Variants in ERFL observed in about 807,000 individuals in gnomAD.
The protein encoded by ERFL is ETS repressor factor like, also known as ETS domain-containing transcription factor ERF-like.
In ERFL, 8 loss-of-function variants were observed where a neutral mutation model predicts 27.9. That is an observed-to-expected ratio of 0.29 (90% CI 0.17 to 0.52). The LOEUF (loss-of-function observed/expected upper bound fraction) is 0.52, where lower values mean the gene tolerates loss of function less well. Ranked by LOEUF, ERFL falls within the 20% of genes least tolerant of loss-of-function variation. The pLI is 0.97. For synonymous variants in ERFL, 174 were observed against 202.8 expected, an observed-to-expected ratio of 0.86 and a Z score of 1.21; for missense variants, 294 against 444.4, an observed-to-expected ratio of 0.66 and a Z score of 3.04.
rs2074761946 is a variant in ERFL at position 41,912,871 on chromosome 19, G to A, written c.49C>T (p.Pro17Ser). 3 of 1,230,608 alleles carry A rather than the reference G, an allele frequency of 2.4e-6. No homozygotes were observed. Among genetic ancestry groups the A allele is most frequent in the South Asian group, 4.1e-5 (1 of 24,314 alleles). The allele number at this position is 1,230,608 out of a possible 1,614,324, so 76.2% of individuals were successfully genotyped here. A position where few individuals can be genotyped will look rare whatever the true frequency, so the allele number is the denominator to read the frequency against. ...CAGTTACCGGGGGTCCAGAGAGCCG[G>A]CAGGGCGGGCGGGGCGAAGAGAAGG... ...SDLLFAPPALPALWTPGFAFP... is the reference protein window; with the variant it reads ...SDLLFAPPALSALWTPGFAFP... Residue 17 changes from proline (P) to serine (S), a missense_variant, in exon 2 of 6, where the codon CCG becomes TCG. By Grantham distance (74) the Pro-to-Ser change is moderately conservative. Coordinates refer to ENST00000597630, the MANE Select transcript of ERFL (RefSeq NM_001365103.2).
Position 41,921,510 on chromosome 19 carries a change from G to C in ERFL, c.-14+6530C>G, listed in dbSNP as rs533897902. ...GAGAGAAGAGAGAGACAGAGACAGA[G>C]AGACAGGCAGGGGGAGATCCGAGGT... On this transcript the variant is annotated intron_variant, in intron 1 of 5. Transcript: ENST00000597630. The surrounding 1 kb of genome is among the most constrained non-coding windows in gnomAD (Gnocchi z 4.4). Among the ~76,000 whole-genome samples, 2 of 152,176 alleles carry C rather than the reference G, an allele frequency of 1.3e-5. No homozygotes were observed. Among genetic ancestry groups the C allele is most frequent in the East Asian group, 1.9e-4 (1 of 5,178 alleles).
At chr19:41,913,408 C>T (rs2074766359) in intron 1 of ERFL, among the ~76,000 whole-genome samples, 1 of 151,956 alleles carries the variant, frequency 6.6e-6, no homozygotes, top group Non-Finnish European at 1.5e-5. Flanking sequence ...CCAGATTTAT[C>T]TTGTTCTATA....
Position 41,921,085 on chromosome 19 carries a change from C to T in ERFL, c.-14+6955G>A, listed in dbSNP as rs1373029054. On this transcript the variant is annotated intron_variant, in intron 1 of 5. Coordinates refer to ENST00000597630, the MANE Select transcript of ERFL (RefSeq NM_001365103.2). This position sits in a 1 kb window ranked among gnomAD's most constrained non-coding sequence, Gnocchi z 4.4. Reference sequence around the variant, plus strand: ...GGAGCGTCCCCGGGGAGGTGGGAGCCGCAGTGCCACGCACCCCGCCTACCA... The same window carrying T: ...GGAGCGTCCCCGGGGAGGTGGGAGCTGCAGTGCCACGCACCCCGCCTACCA... Among the ~76,000 whole-genome samples, 1 of 152,124 alleles carries T rather than the reference C, an allele frequency of 6.6e-6. No homozygotes were observed. Among genetic ancestry groups the T allele is most frequent in the African/African-American group, 2.4e-5 (1 of 41,410 alleles).
rs2074745424 is a variant in ERFL at position 41,910,452 on chromosome 19, C to T, written c.68-355G>A. ...GCACCCGCCTCCAACAGCGTTAGTCCTCTCACTGCCCCCAGCCAGCCCTAG... is the reference window on the plus strand; with the variant it reads ...GCACCCGCCTCCAACAGCGTTAGTCTTCTCACTGCCCCCAGCCAGCCCTAG... On this transcript the variant is annotated intron_variant, in intron 2 of 5. Transcript: ENST00000597630. This position sits in a 1 kb window ranked among gnomAD's most constrained non-coding sequence, Gnocchi z 4.4. 6.6e-6 allele frequency among the ~76,000 whole-genome samples: 1 copy of T among 152,086 alleles called. No individual in the cohort carries two copies. The highest frequency in any genetic ancestry group is 1.5e-5 in the Non-Finnish European group (1 of 67,994).
In ERFL at chr19:41,908,405, G is replaced by A; in HGVS notation, c.888C>T (p.Ala296=). The stretch of plus-strand genomic sequence containing the variant: ...CAGCCCCTGGCAGCGCCAGGCGAGG[G>A]GCCGCTGCCAGGCCCGAGGGGCGCT... The part of the protein sequence containing the change: ...GPERPSGLAA[A]PRLALPGAGG... Residue 296 remains alanine (A), a synonymous_variant, in exon 6 of 6, where the codon GCC becomes GCT. Transcript: ENST00000597630. The surrounding 1 kb of genome is among the most constrained non-coding windows in gnomAD (Gnocchi z 6.7). 5.7e-6 allele frequency: 7 copies of A among 1,231,228 alleles called. No homozygotes were observed. The highest frequency in any genetic ancestry group is 7.1e-6 in the Non-Finnish European group (7 of 987,620). 76.3% of individuals were successfully genotyped at this position (1,231,228 alleles called of 1,614,324 possible).
In ERFL at chr19:41,916,322, CA is replaced by C. The variant is rs1568833419; in HGVS notation, c.-13-3391del. Among the ~76,000 whole-genome samples, 2 of 152,052 alleles carry C rather than the reference CA, an allele frequency of 1.3e-5. No homozygotes were observed. The highest frequency in any genetic ancestry group is 2.9e-5 in the Non-Finnish European group (2 of 68,000). On this transcript the variant is annotated intron_variant, in intron 1 of 5. Coordinates refer to ENST00000597630, the MANE Select transcript of ERFL (RefSeq NM_001365103.2). The surrounding 1 kb of genome is among the most constrained non-coding windows in gnomAD (Gnocchi z 5.4). ...ACCACGTCCCACACAACACATCACA[CA>C]CACCAACAAAGCAACGCATACCACT...
chr19:41,914,290 C>G (rs2074773058), intron 1 of ERFL, among the ~76,000 whole-genome samples: 1 of 151,174 alleles, frequency 6.6e-6, no homozygotes, highest in Non-Finnish European at 1.5e-5. Flanking sequence ...CTCTGTCTCT[C>G]CGGTCACTTG....
intron 2 of ERFL, among the ~76,000 whole-genome samples, chr19:41,912,595 C>T (rs2074759572): frequency 6.6e-6 from 1 of 152,204 alleles, no homozygotes; most frequent in African/African-American, 2.4e-5. Flanking sequence ...GCCCCTCCGT[C>T]CTCACCCCTC....
At chr19:41,912,064 C>T (rs2074755606) in intron 2 of ERFL, among the ~76,000 whole-genome samples, 1 of 152,094 alleles carries the variant, frequency 6.6e-6, no homozygotes, top group Non-Finnish European at 1.5e-5. Context: ...GGCTCCTCAC[C>T]CCACTCAGGC....
intron 1 of ERFL, among the ~76,000 whole-genome samples, chr19:41,927,461 C>A (rs1191394855): frequency 1.3e-5 from 2 of 152,050 alleles, no homozygotes; most frequent in Non-Finnish European, 2.9e-5. Context: ...ACTTCTGGCC[C>A]CCTCAAGTCC....
chr19:41,924,878 G>T (rs1454319272), intron 1 of ERFL, among the ~76,000 whole-genome samples: 1 of 152,140 alleles, frequency 6.6e-6, no homozygotes, highest in African/African-American at 2.4e-5. Context: ...AGATCTGAAG[G>T]TTTCTTCCTA....
In ERFL at chr19:41,909,728, C is replaced by T. The variant is rs935895775; in HGVS notation, c.302+135G>A. ...TCGCCTCCCTTCCACTCACAAGTAGCGATGGTGGCTACTCACGCACAGCCC... is the reference window on the plus strand; with the variant it reads ...TCGCCTCCCTTCCACTCACAAGTAGTGATGGTGGCTACTCACGCACAGCCC... On this transcript the variant is annotated intron_variant, in intron 3 of 5. Transcript: ENST00000597630. This position sits in a 1 kb window ranked among gnomAD's most constrained non-coding sequence, Gnocchi z 5.2. 2.6e-5 allele frequency: 27 copies of T among 1,044,496 alleles called. No homozygotes were observed. The highest frequency in any genetic ancestry group is 6.8e-5 in the South Asian group (4 of 59,254). 64.7% of individuals were successfully genotyped at this position (1,044,496 alleles called of 1,614,324 possible).
rs2074727143 is a variant in ERFL, at chr19:41,907,947, A to G, written c.*281T>C. The G allele has an allele frequency of 2.8e-6, 1 of 358,070 alleles. No homozygotes were observed. The highest frequency in any genetic ancestry group is 5.0e-6 in the Non-Finnish European group (1 of 200,754). The allele number at this position is 358,070 out of a possible 1,614,324, so 22.2% of individuals were successfully genotyped here. ...TAGCACAGGGGTGGGCGGGCGGGGC[A>G]GGCTGGGCGCCATATTGCACTTTGG... On this transcript the variant is annotated 3_prime_UTR_variant, in exon 6 of 6. Transcript: ENST00000597630.
chr19:41,916,046 G>T lies in ERFL; in HGVS notation c.-13-3114C>A. ...CCTTCGCCCCCCATCTCTACCGCCC[G>T]CAGCCATGGCACCGAATGTGTGTGC... On this transcript the variant is annotated intron_variant, in intron 1 of 5. Transcript: ENST00000597630. This position sits in a 1 kb window ranked among gnomAD's most constrained non-coding sequence, Gnocchi z 5.4. Among the ~76,000 whole-genome samples, 1 of 131,676 alleles carries T rather than the reference G, an allele frequency of 7.6e-6. No individual in the cohort carries two copies. Among genetic ancestry groups the T allele is most frequent in the South Asian group, 2.5e-4 (1 of 3,994 alleles). The allele number at this position is 131,676 out of a possible 152,430, so 86.4% of individuals were successfully genotyped here.
chr19:41,920,302 C>T, intron 1 of ERFL, among the ~76,000 whole-genome samples: 1 of 147,420 alleles, frequency 6.8e-6, no homozygotes. Context: ...GACATGCGCT[C>T]ACAGACATGA....
At chr19:41,920,178 ACGCTCACAGACATG>A (rs1259564940) in intron 1 of ERFL, among the ~76,000 whole-genome samples, 11 of 124,440 alleles carry the variant, frequency 8.8e-5, no homozygotes, top group East Asian at 2.3e-4. Context: ...CAGACATGAC[ACGCTCACAGACATG>A]CGCTCACAGA....
chr19:41,918,104 C>T (rs1260505709), intron 1 of ERFL, among the ~76,000 whole-genome samples: 7 of 151,924 alleles, frequency 4.6e-5, no homozygotes, highest in East Asian at 1.9e-4. Flanking sequence ...CCATCCCGGA[C>T]GCCACCCCCA....
Position 41,908,177 on chromosome 19 carries a change from G to A in ERFL, c.*51C>T, listed in dbSNP as rs1555850858. 11 of 1,218,254 alleles carry A rather than the reference G, an allele frequency of 9.0e-6. No individual in the cohort carries two copies. The highest frequency in any genetic ancestry group is 3.1e-4 in the Middle Eastern group (1 of 3,218). 75.5% of individuals were successfully genotyped at this position (1,218,254 alleles called of 1,614,324 possible). A position where few individuals can be genotyped will look rare whatever the true frequency, so the allele number is the denominator to read the frequency against. On this transcript the variant is annotated 3_prime_UTR_variant, in exon 6 of 6. Coordinates refer to ENST00000597630, the MANE Select transcript of ERFL (RefSeq NM_001365103.2). This position sits in a 1 kb window ranked among gnomAD's most constrained non-coding sequence, Gnocchi z 6.7. ...CTTGGGCCAGGCATCAAGGGCAGAC[G>A]GGCAGCCACCCTGGTCCCTGCCTCA...
intron 1 of ERFL, among the ~76,000 whole-genome samples, chr19:41,919,170 A>G (rs1365758297): frequency 6.6e-6 from 1 of 151,950 alleles, no homozygotes; most frequent in African/African-American, 2.4e-5. Flanking sequence ...GCAGCTTACT[A>G]CTCTCAATAC....
Sources: allele counts gnomAD v4.1 joint callset (sites outside exome capture counted in the v4.1 genomes callset), GRCh38; gene constraint gnomAD v4.1.1; non-coding constraint Gnocchi (gnomAD v3.1); transcripts MANE v1.5; gene names NCBI Gene and HGNC (gene_info 2026-07-23, HGNC 2026-07-21).